The following TRPC5 variants were observed in gnomAD, a reference collection of about 807,000 sequenced individuals.
The protein encoded by TRPC5 is short transient receptor potential channel 5.
In TRPC5, 9 loss-of-function variants were observed where a neutral mutation model predicts 56.5. The ratio of observed to expected loss-of-function variants is 0.16; its 90% CI spans 0.10 to 0.28. The LOEUF is 0.28. Ranked by LOEUF, TRPC5 falls within the 10% of genes least tolerant of loss-of-function variation. The pLI, the probability that TRPC5 is intolerant of heterozygous loss-of-function variation, is 1.00. For missense variants in TRPC5, 469 were observed against 748.9 expected (o/e 0.63, Z 4.36); for synonymous variants, 282 against 278.5 (o/e 1.01, Z -0.13).
chrX:111,997,956 T>G (rs764493861), intron 1 of TRPC5, among the ~76,000 whole-genome samples: 1 of 111,161 alleles, frequency 9.0e-6, no homozygotes, highest in East Asian at 2.8e-4. Flanking sequence ...TAGCTCAGAG[T>G]AGTTTGTTAT....
At chrX:112,042,209 G>A (rs1490548253) in intron 1 of TRPC5, among the ~76,000 whole-genome samples, 3 of 111,480 alleles carry the variant, frequency 2.7e-5, no homozygotes, top group African/African-American at 9.8e-5. Flanking sequence ...TTTGGTATAA[G>A]CCTTCTGACT....
At position 111,951,296 on chromosome X, in the gene TRPC5, G is replaced by A. The variant is rs138169117; in HGVS notation, c.378+747C>T. Among the ~76,000 whole-genome samples the A allele has an allele frequency of 9.7e-4, 108 of 111,802 alleles. 1 individual carries two copies. Among genetic ancestry groups the A allele is most frequent in the African/African-American group, 3.4e-3 (105 of 30,768 alleles). On this transcript the variant is annotated intron_variant, in intron 2 of 10. Coordinates refer to ENST00000262839, the MANE Select transcript of TRPC5 (RefSeq NM_012471.3). ...TGCTGATGCTGCTAGTCAAGGGACCGCACTTTAGGAACCACTCATCTAAGA... is the reference window on the plus strand; with the variant it reads ...TGCTGATGCTGCTAGTCAAGGGACCACACTTTAGGAACCACTCATCTAAGA...
intron 1 of TRPC5, among the ~76,000 whole-genome samples, chrX:112,059,878 G>A (rs1019254381): frequency 1.8e-5 from 2 of 111,892 alleles, no homozygotes; most frequent in African/African-American, 6.5e-5. Context: ...AATAGAATAA[G>A]GGAAGTGATA....
At chrX:111,874,991 A>G (rs1923878373) in intron 3 of TRPC5, among the ~76,000 whole-genome samples, 1 of 112,232 alleles carries the variant, frequency 8.9e-6, no homozygotes, top group Admixed American at 9.4e-5. Flanking sequence ...TTGGAGTAAG[A>G]CAGACATGAG....
intron 6 of TRPC5, among the ~76,000 whole-genome samples, chrX:111,838,702 T>A (rs1049143275): frequency 8.9e-6 from 1 of 111,774 alleles, no homozygotes; most frequent in Non-Finnish European, 1.9e-5. Flanking sequence ...TGATATTAAA[T>A]GCACAGAAGA....
At chrX:112,015,309 A>G (rs1189996855) in intron 1 of TRPC5, among the ~76,000 whole-genome samples, 1 of 111,734 alleles carries the variant, frequency 8.9e-6, no homozygotes, top group Non-Finnish European at 1.9e-5. Context: ...CTTCAGAGCC[A>G]CCTGAATCAT....
intron 2 of TRPC5, among the ~76,000 whole-genome samples, chrX:111,926,074 G>T (rs1449532327): frequency 8.9e-6 from 1 of 112,263 alleles, no homozygotes; most frequent in Non-Finnish European, 1.9e-5. Flanking sequence ...GAGCACTATG[G>T]CCCTGGTTGG....
chrX:112,032,289 C>T (rs1366632412), intron 1 of TRPC5, among the ~76,000 whole-genome samples: 1 of 109,633 alleles, frequency 9.1e-6, no homozygotes, highest in African/African-American at 3.4e-5. Context: ...CTGTTACACA[C>T]TGCTGGTGAG....
intron 1 of TRPC5, among the ~76,000 whole-genome samples, chrX:112,034,908 A>G (rs778399955): frequency 4.6e-4 from 50 of 107,991 alleles, no homozygotes; most frequent in African/African-American, 1.6e-3. Flanking sequence ...TGATCTTATC[A>G]AACAACTAAC....
chrX:111,996,690 G>C (rs752204768), intron 1 of TRPC5, among the ~76,000 whole-genome samples: 1 of 111,807 alleles, frequency 8.9e-6, no homozygotes. Flanking sequence ...TATATATTTA[G>C]GATAGTTAGC....
In TRPC5 at chrX:111,774,317, C is replaced by T. The variant is rs1945861801; in HGVS notation, c.*1996G>A. On this transcript the variant is annotated 3_prime_UTR_variant, in exon 11 of 11. Coordinates refer to ENST00000262839, the MANE Select transcript of TRPC5 (RefSeq NM_012471.3). The stretch of plus-strand genomic sequence containing the variant: ...GGGTTATATGCTATTTCTTTTGGTG[C>T]TGTTAATATGAGTTAGGAATGTAGC... 9.0e-6 allele frequency: 1 copy of T among 111,406 alleles called. No homozygotes were observed. Among genetic ancestry groups the T allele is most frequent in the African/African-American group, 3.3e-5 (1 of 30,668 alleles). 9.2% of individuals were successfully genotyped at this position (111,406 alleles called of 1,213,427 possible).
At chrX:112,069,124 T>G (rs1602422477) in intron 1 of TRPC5, among the ~76,000 whole-genome samples, 1 of 111,930 alleles carries the variant, frequency 8.9e-6, no homozygotes, top group South Asian at 3.8e-4. Context: ...TGCTAAGCAC[T>G]ATTATTTAAT....
intron 1 of TRPC5, among the ~76,000 whole-genome samples, chrX:112,015,969 G>A (rs928136885): frequency 5.4e-5 from 6 of 111,608 alleles, no homozygotes; most frequent in Non-Finnish European, 1.1e-4. Context: ...TGTTGTTAAA[G>A]CACAATGGCA....
At chrX:111,855,920 A>G (rs909010243) in intron 3 of TRPC5, among the ~76,000 whole-genome samples, 3 of 112,333 alleles carry the variant, frequency 2.7e-5, no homozygotes, top group African/African-American at 9.7e-5. Context: ...CGATATGAAC[A>G]TGGCATAATG....
At chrX:111,914,531 A>T (rs982485246) in intron 2 of TRPC5, among the ~76,000 whole-genome samples, 18 of 111,948 alleles carry the variant, frequency 1.6e-4, no homozygotes, top group Non-Finnish European at 3.2e-4. Context: ...AGAAAGGTGG[A>T]GGAGGAGGAG....
intron 1 of TRPC5, among the ~76,000 whole-genome samples, chrX:112,044,452 A>C (rs1223763835): frequency 2.7e-5 from 3 of 111,992 alleles, no homozygotes; most frequent in Admixed American, 1.9e-4. Context: ...CAGTTTCCTC[A>C]CCTATGAAAT....
At chrX:111,889,196 G>A (rs1397205202) in intron 3 of TRPC5, among the ~76,000 whole-genome samples, 1 of 111,592 alleles carries the variant, frequency 9.0e-6, no homozygotes, top group African/African-American at 3.3e-5. Context: ...GGGAGTGATT[G>A]GCCATGTTAA....
chrX:111,810,585 CAT>C (rs1446894832), intron 7 of TRPC5, among the ~76,000 whole-genome samples: 8 of 111,669 alleles, frequency 7.2e-5, no homozygotes, highest in African/African-American at 2.6e-4. Flanking sequence ...TATCAATTCA[CAT>C]ATAATTATTG....
chrX:112,042,876 G>A (rs1299306367), intron 1 of TRPC5, among the ~76,000 whole-genome samples: 1 of 109,848 alleles, frequency 9.1e-6, no homozygotes, highest in Non-Finnish European at 1.9e-5. Flanking sequence ...ATCCTACCAG[G>A]TTCATTCTCA....
Sources: allele counts gnomAD v4.1 joint callset (sites outside exome capture counted in the v4.1 genomes callset), GRCh38; gene constraint gnomAD v4.1.1; transcripts MANE v1.5; gene names NCBI Gene and HGNC (gene_info 2026-07-23, HGNC 2026-07-21).